Variants in USP3 observed in about 807,000 individuals in gnomAD.
The protein encoded by USP3 is ubiquitin specific peptidase 3, also known as ubiquitin carboxyl-terminal hydrolase 3.
Under a neutral mutation model 72.3 loss-of-function variants are expected in USP3, and 20 were observed. The ratio of observed to expected loss-of-function variants is 0.28; its 90% CI spans 0.19 to 0.40. The LOEUF (loss-of-function observed/expected upper bound fraction) is 0.40. USP3 is among the 10% of genes least tolerant of loss of function. The pLI is 1.00. For synonymous variants in USP3, 222 were observed against 225.3 expected (o/e 0.99, Z 0.13); for missense variants, 479 against 633.9 (o/e 0.76, Z 2.62).
At position 63,570,281 on chromosome 15, in the gene USP3, C is replaced by T; in HGVS notation, c.762-152C>T. 1.0e-6 allele frequency: 1 copy of T among 1,002,382 alleles called. No homozygotes were observed. The highest frequency in any genetic ancestry group is 1.4e-6 in the Non-Finnish European group (1 of 697,062). 62.1% of individuals were successfully genotyped at this position (1,002,382 alleles called of 1,614,324 possible). A position where few individuals can be genotyped will look rare whatever the true frequency, so the allele number is the denominator to read the frequency against. On this transcript the variant is annotated intron_variant, in intron 8 of 14. Transcript: ENST00000380324. The surrounding 1 kb of genome is among the most constrained non-coding windows in gnomAD (Gnocchi z 4.4). ...CATTCTTGAAGAGAAATTCTGTCAC[C>T]TGTGGAGCTTTCGGGCATGAAGGTG...
Position 63,544,089 on chromosome 15 carries a change from AT to A in USP3, c.284+6935del, listed in dbSNP as rs2066285046. Among the ~76,000 whole-genome samples the A allele has an allele frequency of 6.6e-6, 1 of 151,060 alleles. No homozygotes were observed. The highest frequency in any genetic ancestry group is 1.5e-5 in the Non-Finnish European group (1 of 67,832). ...ATTAGTTTAATAATAGTATGAAGATATTGTGAATAGCAAGACATTTAATATA... is the reference window on the plus strand; with the variant it reads ...ATTAGTTTAATAATAGTATGAAGATATGTGAATAGCAAGACATTTAATATA... On this transcript the variant is annotated intron_variant, in intron 3 of 14. Coordinates refer to ENST00000380324, the MANE Select transcript of USP3 (RefSeq NM_006537.4). This position sits in a 1 kb window ranked among gnomAD's most constrained non-coding sequence, Gnocchi z 4.2.
intron 1 of USP3, among the ~76,000 whole-genome samples, chr15:63,510,099 T>G (rs2065762489): frequency 6.6e-6 from 1 of 152,214 alleles, no homozygotes; most frequent in Admixed American, 6.5e-5. Flanking sequence ...TTTTCCTCAT[T>G]GAAATGTATG....
intron 4 of USP3, among the ~76,000 whole-genome samples, chr15:63,555,216 A>G (rs1031453628): frequency 6.6e-6 from 1 of 152,168 alleles, no homozygotes; most frequent in Non-Finnish European, 1.5e-5. Context: ...CCCATTTCCT[A>G]TGTTGAAAAA....
At chr15:63,507,938 G>A (rs2065734724) in intron 1 of USP3, among the ~76,000 whole-genome samples, 1 of 152,044 alleles carries the variant, frequency 6.6e-6, no homozygotes, top group Admixed American at 6.6e-5. Context: ...TATGTAAAAT[G>A]TTTTTCAAAA....
chr15:63,507,227 A>C (rs1218419507), intron 1 of USP3, among the ~76,000 whole-genome samples: 1 of 152,188 alleles, frequency 6.6e-6, no homozygotes, highest in African/African-American at 2.4e-5. Flanking sequence ...GGGACAATAA[A>C]AGTAATGCCC....
chr15:63,511,925 A>T (rs192583650), intron 1 of USP3, among the ~76,000 whole-genome samples: 1 of 150,944 alleles, frequency 6.6e-6, no homozygotes, highest in African/African-American at 2.4e-5. Flanking sequence ...TCTTTAGACC[A>T]TAAAAACTAA....
intron 11 of USP3, among the ~76,000 whole-genome samples, chr15:63,583,530 G>T: frequency 6.6e-6 from 1 of 152,266 alleles, no homozygotes; most frequent in Middle Eastern, 3.4e-3. Context: ...TGTCTTAAGT[G>T]TGTAATTCAG....
At chr15:63,559,687 A>G (rs1164451447) in intron 6 of USP3, among the ~76,000 whole-genome samples, 170 bp from the exon 7 acceptor site, 3 of 151,100 alleles carry the variant, frequency 2.0e-5, no homozygotes, top group Non-Finnish European at 3.0e-5. Context: ...TTTCTTAGAG[A>G]GAAGGAAAAA....
At chr15:63,515,948 T>G (rs2065845267) in intron 1 of USP3, among the ~76,000 whole-genome samples, 2 of 152,222 alleles carry the variant, frequency 1.3e-5, no homozygotes, top group Admixed American at 6.5e-5. Context: ...CTCTGTTATT[T>G]CTTAATTTGT....
At chr15:63,547,733 AG>A (rs1567108378) in intron 3 of USP3, among the ~76,000 whole-genome samples, 5 of 43,808 alleles carry the variant, frequency 1.1e-4, no homozygotes, top group East Asian at 6.2e-4. Flanking sequence ...AGAGAGAGAG[AG>A]AGAGAGAGAG....
At chr15:63,530,243 C>T (rs1368291730) in intron 1 of USP3, among the ~76,000 whole-genome samples, 5 of 150,018 alleles carry the variant, frequency 3.3e-5, no homozygotes, top group African/African-American at 7.4e-5. Context: ...TTTGAGTTAC[C>T]GTCATCCTTC....
chr15:63,569,622 A>G (rs2066748590), intron 8 of USP3, among the ~76,000 whole-genome samples: 1 of 152,194 alleles, frequency 6.6e-6, no homozygotes. Context: ...TAGTTTTATA[A>G]AAGTACTTTA....
intron 1 of USP3, among the ~76,000 whole-genome samples, chr15:63,525,276 T>G (rs1202633576): frequency 2.0e-5 from 3 of 152,224 alleles, no homozygotes; most frequent in Non-Finnish European, 4.4e-5. Context: ...CCACTTTGGA[T>G]TTGGTGCTCA....
At chr15:63,556,948 T>C in intron 5 of USP3, 200 bp downstream of exon 5, 1 of 474,582 alleles carries the variant, frequency 2.1e-6, no homozygotes, top group East Asian at 3.6e-5. Flanking sequence ...AGCACCTTCT[T>C]CCCATCAGCG....
At chr15:63,535,798 G>A (rs914260789) in intron 2 of USP3, among the ~76,000 whole-genome samples, 10 of 152,174 alleles carry the variant, frequency 6.6e-5, no homozygotes, top group African/African-American at 2.4e-4. Flanking sequence ...CTTCCTCCAA[G>A]GTAAGTGTTT....
In USP3 at chr15:63,516,037, C is replaced by T. The variant is rs550244409; in HGVS notation, c.91+11207C>T. Among the ~76,000 whole-genome samples, 3 of 152,328 alleles carry T rather than the reference C, an allele frequency of 2.0e-5. No homozygotes were observed. In the South Asian group the frequency reaches 6.2e-4, roughly 32 times the overall value. The stretch of plus-strand genomic sequence containing the variant: ...GTTTGCACCACTTGCCCTTCAGTCT[C>T]TCCATTTCCCAATATAATTAGATTA... On this transcript the variant is annotated intron_variant, in intron 1 of 14. Transcript: ENST00000380324.
intron 1 of USP3, chr15:63,515,318 A>G (rs1485628810): frequency 2.0e-5 from 3 of 152,378 alleles, no homozygotes; most frequent in South Asian, 2.1e-4. Context: ...TTTTGAGAAT[A>G]TGTTGTTTCA....
chr15:63,530,390 G>C (rs946795541), intron 1 of USP3: 1 of 228,402 alleles, frequency 4.4e-6, no homozygotes, highest in Non-Finnish European at 8.9e-6. Flanking sequence ...CAGTAGTGCA[G>C]TCATATCTCA....
intron 3 of USP3, among the ~76,000 whole-genome samples, chr15:63,548,511 A>C (rs1263211673): frequency 6.6e-6 from 1 of 151,942 alleles, no homozygotes; most frequent in Non-Finnish European, 1.5e-5. Flanking sequence ...TTTTTTTAGT[A>C]GAGACAGGGT....
Sources: allele counts gnomAD v4.1 joint callset (sites outside exome capture counted in the v4.1 genomes callset), GRCh38; gene constraint gnomAD v4.1.1; non-coding constraint Gnocchi (gnomAD v3.1); transcripts MANE v1.5; gene names NCBI Gene and HGNC (gene_info 2026-07-23, HGNC 2026-07-21).